PRDM16: variants seen among roughly 807,000 people sequenced by gnomAD.
The protein encoded by PRDM16 is histone-lysine N-methyltransferase PRDM16.
A neutral mutation model predicts 110.6 loss-of-function variants in PRDM16; 23 were observed. That is an observed-to-expected ratio of 0.21 (90% CI 0.15 to 0.29). The LOEUF (loss-of-function observed/expected upper bound fraction) is 0.29, where lower values mean the gene tolerates loss of function less well. PRDM16 is among the 10% of genes least tolerant of loss of function. PRDM16 has a pLI of 1.00. For missense variants in PRDM16, 1,615 were observed against 1,794.3 expected (o/e 0.90, Z 1.81); for synonymous variants, 799 against 781.8 (o/e 1.02, Z -0.37).
Position 3,393,438 on chromosome 1 carries a change from C to T in PRDM16, c.574-3053C>T, listed in dbSNP as rs1363927914. ...TGAGCAGGACCCACCGCGGGTCTCA[C>T]GAGGAAAGGAGGATTATAAGCAGAC... On this transcript the variant is annotated intron_variant, in intron 4 of 16. Coordinates refer to ENST00000270722, the MANE Select transcript of PRDM16 (RefSeq NM_022114.4). Among the ~76,000 whole-genome samples, 3 of 152,198 alleles carry T rather than the reference C, an allele frequency of 2.0e-5. No individual in the cohort carries two copies. In the East Asian group the frequency reaches 5.8e-4, roughly 29 times the overall value.
At chr1:3,422,283 A>G (rs1409849535) in intron 12 of PRDM16, among the ~76,000 whole-genome samples, 1 of 150,966 alleles carries the variant, frequency 6.6e-6, no homozygotes, top group East Asian at 2.0e-4. Flanking sequence ...AGACAGATGG[A>G]CAGACAGGCA....
Position 3,246,808 on chromosome 1 carries a change from A to T in PRDM16, c.438+2671A>T, listed in dbSNP as rs191281101. Among the ~76,000 whole-genome samples, 21 of 152,050 alleles carry T rather than the reference A, an allele frequency of 1.4e-4. No individual in the cohort carries two copies. The highest frequency in any genetic ancestry group is 4.8e-4 in the African/African-American group (20 of 41,470). On this transcript the variant is annotated intron_variant, in intron 3 of 16. Transcript: ENST00000270722. This position sits in a 1 kb window ranked among gnomAD's most constrained non-coding sequence, Gnocchi z 5.2. ...GTTACATTTCTAGGCACTCTCGGGGAGCCGGGGGGGTTGGGGCTGAGAGAC... is the reference window on the plus strand; with the variant it reads ...GTTACATTTCTAGGCACTCTCGGGGTGCCGGGGGGGTTGGGGCTGAGAGAC...
chr1:3,150,157 C>T (rs1487984896), intron 1 of PRDM16, among the ~76,000 whole-genome samples: 1 of 152,212 alleles, frequency 6.6e-6, no homozygotes, highest in Non-Finnish European at 1.5e-5. Flanking sequence ...CCTCGCACTG[C>T]GTAGGGGGAT....
At chr1:3,338,322 C>T (rs1642203424) in intron 3 of PRDM16, among the ~76,000 whole-genome samples, 1 of 152,246 alleles carries the variant, frequency 6.6e-6, no homozygotes, top group African/African-American at 2.4e-5. Flanking sequence ...AACAGATGTT[C>T]CCTTGCTCCT....
At chr1:3,133,879 A>G (rs1643383496) in intron 1 of PRDM16, among the ~76,000 whole-genome samples, 1 of 152,182 alleles carries the variant, frequency 6.6e-6, no homozygotes, top group African/African-American at 2.4e-5. Flanking sequence ...CCCAGGAGAA[A>G]TGATCGGCCT....
At chr1:3,264,685 G>C (rs991550440) in intron 3 of PRDM16, among the ~76,000 whole-genome samples, 1 of 151,712 alleles carries the variant, frequency 6.6e-6, no homozygotes, top group Non-Finnish European at 1.5e-5. Context: ...GAGGACCCCA[G>C]GCCAGGAGGG....
At chr1:3,236,825 G>A (rs951441905) in intron 2 of PRDM16, among the ~76,000 whole-genome samples, 1 of 152,220 alleles carries the variant, frequency 6.6e-6, no homozygotes, top group Non-Finnish European at 1.5e-5. Flanking sequence ...AGCCTTGCTC[G>A]TGGGTGTGTT....
intron 1 of PRDM16, among the ~76,000 whole-genome samples, chr1:3,083,282 GC>G (rs932511107): frequency 1.3e-5 from 2 of 152,318 alleles, no homozygotes; most frequent in Admixed American, 1.3e-4. Context: ...TGGCGGCTGG[GC>G]CCCGGAACTG....
intron 2 of PRDM16, among the ~76,000 whole-genome samples, chr1:3,222,242 C>T (rs573790100): frequency 1.7e-4 from 26 of 151,880 alleles, no homozygotes; most frequent in African/African-American, 6.3e-4. Flanking sequence ...AGCCCAGCCT[C>T]CCCCAGTGAG....
intron 3 of PRDM16, among the ~76,000 whole-genome samples, chr1:3,305,107 C>T (rs1482201310): frequency 2.0e-5 from 3 of 152,122 alleles, no homozygotes; most frequent in Non-Finnish European, 2.9e-5. Flanking sequence ...TGCTCCAGGC[C>T]GGAAAGCCTA....
intron 3 of PRDM16, among the ~76,000 whole-genome samples, chr1:3,335,798 C>G (rs1642134174): frequency 6.6e-6 from 1 of 152,236 alleles, no homozygotes. Flanking sequence ...CAGCTGCCCA[C>G]ACCTCCCCTG....
intron 1 of PRDM16, among the ~76,000 whole-genome samples, chr1:3,117,370 AG>A: frequency 6.6e-6 from 1 of 152,284 alleles, no homozygotes; most frequent in East Asian, 1.9e-4. Context: ...AATTGGAACC[AG>A]GGGTTCGGAG....
At chr1:3,120,274 C>T (rs1643066277) in intron 1 of PRDM16, among the ~76,000 whole-genome samples, 1 of 152,356 alleles carries the variant, frequency 6.6e-6, no homozygotes, top group Middle Eastern at 3.4e-3. Context: ...CCTCCCTGCC[C>T]CCTGTCTGGC....
chr1:3,298,841 A>G (rs1641145945), intron 3 of PRDM16, among the ~76,000 whole-genome samples: 1 of 152,186 alleles, frequency 6.6e-6, no homozygotes, highest in African/African-American at 2.4e-5. Context: ...ACGTTTGGCC[A>G]AAAAGAGCTT....
chr1:3,316,914 G>A (rs1163624173), intron 3 of PRDM16, among the ~76,000 whole-genome samples: 1 of 152,158 alleles, frequency 6.6e-6, no homozygotes, highest in Non-Finnish European at 1.5e-5. Flanking sequence ...TCAGAGTGTA[G>A]CTAAGAAGCA....
rs1553141259 is a variant in PRDM16 at position 3,181,730 on chromosome 1, G to GGA, written c.38-4394_38-4393insAG. 6.1e-3 allele frequency among the ~76,000 whole-genome samples: 735 copies of GGA among 119,764 alleles called. 21 individuals are homozygous for GGA. Among genetic ancestry groups the GGA allele is most frequent in the African/African-American group, 0.017 (516 of 31,046 alleles). The allele number at this position is 119,764 out of a possible 152,430, so 78.6% of individuals were successfully genotyped here. ...GTCTTACACACGCAGTCTTACACACGGTCTTACACACGGAGTCTTACACAC... is the reference window on the plus strand; with the variant it reads ...GTCTTACACACGCAGTCTTACACACGGAGTCTTACACACGGAGTCTTACACAC... On this transcript the variant is annotated intron_variant, in intron 1 of 16. Transcript: ENST00000270722.
intron 1 of PRDM16, among the ~76,000 whole-genome samples, chr1:3,174,683 C>T (rs1644065477): frequency 6.6e-6 from 1 of 152,098 alleles, no homozygotes; most frequent in African/African-American, 2.4e-5. Context: ...GGAAGCCCCA[C>T]CTCTTTGCTG....
rs113579098 is a variant in PRDM16, at chr1:3,085,574, C to A, written c.37+16278C>A. Among the ~76,000 whole-genome samples the A allele has an allele frequency of 7.1e-3, 1,081 of 152,364 alleles. 12 individuals are homozygous for A. The highest frequency in any genetic ancestry group is 8.7e-3 in the Non-Finnish European group (595 of 68,028). ...CTGAGTGACCCCGGCTCCTCCTGGGCCTCTCTGAGCCCAGTGTGCCCATCT... is the reference window on the plus strand; with the variant it reads ...CTGAGTGACCCCGGCTCCTCCTGGGACTCTCTGAGCCCAGTGTGCCCATCT... On this transcript the variant is annotated intron_variant, in intron 1 of 16. Coordinates refer to ENST00000270722, the MANE Select transcript of PRDM16 (RefSeq NM_022114.4).
At chr1:3,182,196 G>A (rs776240290) in intron 1 of PRDM16, among the ~76,000 whole-genome samples, 7 of 152,202 alleles carry the variant, frequency 4.6e-5, no homozygotes, top group South Asian at 4.1e-4. Flanking sequence ...GGCAGATACC[G>A]ACTCCGAAAA....
Sources: gnomAD v4.1 joint callset for allele counts (sites outside exome capture counted in the v4.1 genomes callset) on GRCh38, gnomAD v4.1.1 for gene constraint, Gnocchi (gnomAD v3.1) non-coding constraint, MANE v1.5 for transcripts, NCBI Gene and HGNC (gene_info 2026-07-23, HGNC 2026-07-21) for gene names.